The following TRPC3 variants were observed in gnomAD, a reference collection of about 807,000 sequenced individuals.
TRPC3 encodes short transient receptor potential channel 3.
A neutral mutation model predicts 90.9 loss-of-function variants in TRPC3; 54 were observed. The observed-to-expected ratio is 0.59, with a 90% CI of 0.48 to 0.75. The LOEUF is 0.75. Among genes scored for constraint, TRPC3 ranks in the 30% least tolerant of loss-of-function variants. The pLI is 0.00. For missense variants in TRPC3, 918 were observed against 1,194.5 expected (o/e 0.77, Z 3.41); for synonymous variants, 424 against 450.9 (o/e 0.94, Z 0.75).
At chr4:121,923,394 A>G (rs1013693732) in intron 3 of TRPC3, among the ~76,000 whole-genome samples, 19 of 152,138 alleles carry the variant, frequency 1.2e-4, no homozygotes. Flanking sequence ...ATCACTTACT[A>G]AATTCCTTCC....
At chr4:121,950,704 G>A (rs1329462821) in intron 1 of TRPC3, 1 of 152,262 alleles carries the variant, frequency 6.6e-6, no homozygotes, top group Non-Finnish European at 1.5e-5. Flanking sequence ...GAGAAAAAGA[G>A]AGCCCGCGCG....
chr4:121,948,366 T>TG (rs1319728394), intron 1 of TRPC3, among the ~76,000 whole-genome samples: 2 of 68,610 alleles, frequency 2.9e-5, no homozygotes, highest in Non-Finnish European at 7.0e-5. Context: ...TCTAGCTGGT[T>TG]TTTTTTTTTT....
chr4:121,877,643 T>C lies in TRPC3; in HGVS notation c.*2093A>G, dbSNP rs1300115334. On this transcript the variant is annotated 3_prime_UTR_variant, in exon 12 of 12. Coordinates refer to ENST00000379645, the MANE Select transcript of TRPC3 (RefSeq NM_001130698.2). ...CAACCACACTCACTACACCTTGTCA[T>C]CACACCTTCTTCTGAAACAACACCT... is the stretch of plus-strand genomic sequence containing the variant. Among the ~76,000 whole-genome samples, 1 of 152,070 alleles carries C rather than the reference T, an allele frequency of 6.6e-6. No homozygotes were observed. Among genetic ancestry groups the C allele is most frequent in the African/African-American group, 2.4e-5 (1 of 41,404 alleles).
chr4:121,906,173 A>T (rs1319452089), intron 7 of TRPC3, among the ~76,000 whole-genome samples: 3 of 152,156 alleles, frequency 2.0e-5, no homozygotes, highest in Non-Finnish European at 4.4e-5. Context: ...TATTTTAAAA[A>T]TAAGGAAACT....
intron 10 of TRPC3, among the ~76,000 whole-genome samples, chr4:121,896,039 A>T (rs1728507114): frequency 1.3e-5 from 2 of 152,172 alleles, no homozygotes; most frequent in Non-Finnish European, 2.9e-5. Flanking sequence ...AATAAACATC[A>T]TACATCACAT....
At chr4:121,940,722 A>G (rs900018861) in intron 1 of TRPC3, among the ~76,000 whole-genome samples, 2 of 152,136 alleles carry the variant, frequency 1.3e-5, no homozygotes, top group Non-Finnish European at 2.9e-5. Context: ...ACTTCAGCCC[A>G]AGCTTTTGTA....
At chr4:121,941,151 T>A (rs750117505) in intron 1 of TRPC3, among the ~76,000 whole-genome samples, 1 of 152,178 alleles carries the variant, frequency 6.6e-6, no homozygotes, top group Admixed American at 6.5e-5. Context: ...AACATTTTGG[T>A]TCTACAAAGA....
At chr4:121,947,577 T>C (rs1161062743) in intron 1 of TRPC3, among the ~76,000 whole-genome samples, 2 of 152,186 alleles carry the variant, frequency 1.3e-5, no homozygotes, top group Non-Finnish European at 2.9e-5. Flanking sequence ...AGATCTATTA[T>C]TGATTTGCCA....
At chr4:121,936,477 A>C (rs1489009303) in intron 1 of TRPC3, among the ~76,000 whole-genome samples, 1 of 152,238 alleles carries the variant, frequency 6.6e-6, no homozygotes, top group Non-Finnish European at 1.5e-5. Flanking sequence ...TGACCCGCAG[A>C]TCTATGAGGG....
At chr4:121,944,177 G>A (rs1340937152) in intron 1 of TRPC3, among the ~76,000 whole-genome samples, 1 of 152,112 alleles carries the variant, frequency 6.6e-6, no homozygotes, top group Non-Finnish European at 1.5e-5. Context: ...ACTGAGGGCA[G>A]TAGAGGGGAG....
rs1728750756 is a variant in TRPC3, at chr4:121,902,905, T to A, written c.2410A>T (p.Arg804Trp). The A allele has an allele frequency of 6.2e-7, 1 of 1,613,394 alleles. No homozygotes were observed. The highest frequency in any genetic ancestry group is 8.5e-7 in the Non-Finnish European group (1 of 1,179,722). Residue 804 changes from arginine to tryptophan, a missense_variant, in exon 9 of 12, where the codon AGG (arginine) becomes TGG (tryptophan). Arg to Trp is a moderately radical substitution (Grantham distance 101). This residue lies in a region of TRPC3 where 121 missense variants were observed against 135.7 expected (regional missense o/e 0.89). Coordinates refer to ENST00000379645, the MANE Select transcript of TRPC3 (RefSeq NM_001130698.2). ...MRIVNFPKCR[R>W]RRLQKDIEMG... is the part of the protein sequence containing the mutation. ...TCTATATCCTTCTGAAGCCTTCTCC[T>A]TCTGCATTTGGGAAAGTTAACAATT...
chr4:121,883,989 A>C (rs1011900432), intron 10 of TRPC3, among the ~76,000 whole-genome samples: 1 of 152,158 alleles, frequency 6.6e-6, no homozygotes. Context: ...CAATGTTTGT[A>C]GCAACCCTGT....
In TRPC3 at chr4:121,879,077, T is replaced by C. The variant is rs202187672; in HGVS notation, c.*659A>G. 1 of 152,202 alleles carries C rather than the reference T, an allele frequency of 6.6e-6. No homozygotes were observed. Among genetic ancestry groups the C allele is most frequent in the South Asian group, 2.1e-4 (1 of 4,832 alleles). 9.4% of individuals were successfully genotyped at this position (152,202 alleles called of 1,614,324 possible). A position where few individuals can be genotyped will look rare whatever the true frequency, so the allele number is the denominator to read the frequency against. On this transcript the variant is annotated 3_prime_UTR_variant, in exon 12 of 12. Transcript: ENST00000379645. ...GTTGTTTTAAATAATTCTATGAAACTTAAATATACAATGTAATTATATTTT... is the reference window on the plus strand; with the variant it reads ...GTTGTTTTAAATAATTCTATGAAACCTAAATATACAATGTAATTATATTTT...
chr4:121,875,085 T>C lies in TRPC3; in HGVS notation c.*4651A>G. Among the ~76,000 whole-genome samples, 1 of 151,962 alleles carries C rather than the reference T, an allele frequency of 6.6e-6. No individual in the cohort carries two copies. The highest frequency in any genetic ancestry group is 1.9e-4 in the East Asian group (1 of 5,194). The stretch of plus-strand genomic sequence containing the variant: ...AAGAGTTAATATCTTAAAAAATAGT[T>C]CATACAAATTAATAATGAAGAAATA... On this transcript the variant is annotated 3_prime_UTR_variant, in exon 12 of 12. Transcript: ENST00000379645.
At chr4:121,882,514 T>C in intron 10 of TRPC3, 85 bp from the exon 11 acceptor site, 1 of 1,288,318 alleles carries the variant, frequency 7.8e-7, no homozygotes, top group Non-Finnish European at 1.1e-6. Flanking sequence ...TACATACCTG[T>C]AAAGCAAACA....
In TRPC3 at chr4:121,878,745, G is replaced by A. The variant is rs1727840274; in HGVS notation, c.*991C>T. On this transcript the variant is annotated 3_prime_UTR_variant, in exon 12 of 12. Coordinates refer to ENST00000379645, the MANE Select transcript of TRPC3 (RefSeq NM_001130698.2). ...ACGATGGCAATAAATGCCCCAAAAGGAACTGAAACACACCTGGGGATGCTT... is the reference window on the plus strand; with the variant it reads ...ACGATGGCAATAAATGCCCCAAAAGAAACTGAAACACACCTGGGGATGCTT... Among the ~76,000 whole-genome samples the A allele has an allele frequency of 6.6e-6, 1 of 152,254 alleles. No homozygotes were observed. Among genetic ancestry groups the A allele is most frequent in the South Asian group, 2.1e-4 (1 of 4,818 alleles).
At chr4:121,899,517 A>G in intron 10 of TRPC3, 95 bp downstream of exon 10, 1 of 1,024,190 alleles carries the variant, frequency 9.8e-7, no homozygotes, top group Non-Finnish European at 1.5e-6. Flanking sequence ...GTATATCTCA[A>G]GAATATAACT....
At chr4:121,880,646 AAAAAG>A (rs1001457349) in intron 11 of TRPC3, among the ~76,000 whole-genome samples, 3 of 152,170 alleles carry the variant, frequency 2.0e-5, no homozygotes, top group Non-Finnish European at 4.4e-5. Context: ...TATTTGGTTA[AAAAAG>A]AAAAGAAAAG....
At chr4:121,879,963 T>C in intron 11 of TRPC3, 85 bp from the exon 12 acceptor site, 1 of 1,329,834 alleles carries the variant, frequency 7.5e-7, no homozygotes, top group Non-Finnish European at 1.0e-6. Flanking sequence ...ACAATATCAA[T>C]GTATTTGCTT....
Sources: allele counts gnomAD v4.1 joint callset (sites outside exome capture counted in the v4.1 genomes callset), GRCh38; gene constraint gnomAD v4.1.1; regional missense constraint gnomAD v4.1.1; transcripts MANE v1.5; gene names NCBI Gene and HGNC (gene_info 2026-07-23, HGNC 2026-07-21).